JAZF1: variants seen among roughly 807,000 people sequenced by gnomAD.
The protein encoded by JAZF1 is JAZF zinc finger 1.
A neutral mutation model predicts 26.4 loss-of-function variants in JAZF1; 8 were observed. That is an observed-to-expected ratio of 0.30 (90% CI 0.18 to 0.55). The LOEUF is 0.55. Ranked by LOEUF, JAZF1 falls within the 20% of genes least tolerant of loss-of-function variation. JAZF1 has a pLI of 0.94. For synonymous variants in JAZF1, 126 were observed against 122.3 expected, an observed-to-expected ratio of 1.03 and a Z score of -0.20; for missense variants, 199 against 322.0, an observed-to-expected ratio of 0.62 and a Z score of 2.92.
chr7:28,105,525 C>G (rs1784538509), intron 1 of JAZF1, among the ~76,000 whole-genome samples: 1 of 152,202 alleles, frequency 6.6e-6, no homozygotes, highest in Non-Finnish European at 1.5e-5. Flanking sequence ...AGGAAGGCAG[C>G]TGCACTGAGT....
At chr7:27,838,891 G>C (rs542574773) in intron 4 of JAZF1, among the ~76,000 whole-genome samples, 35 of 152,294 alleles carry the variant, frequency 2.3e-4, no homozygotes, top group African/African-American at 7.9e-4. Flanking sequence ...TCACCTGCCA[G>C]TTAATGGGGC....
At chr7:28,161,257 TAAAAA>T (rs10630786) in intron 1 of JAZF1, among the ~76,000 whole-genome samples, 2 of 77,180 alleles carry the variant, frequency 2.6e-5, no homozygotes, top group Admixed American at 1.7e-4. Context: ...TCCTTTAATC[TAAAAA>T]AAAAAAAAAA....
chr7:28,011,301 T>C (rs1562558293), intron 1 of JAZF1, among the ~76,000 whole-genome samples: 1 of 152,216 alleles, frequency 6.6e-6, no homozygotes, highest in Non-Finnish European at 1.5e-5. Flanking sequence ...CATTTCAGAT[T>C]TAGTCCAATG....
In JAZF1 at chr7:27,840,871, C is replaced by T; in HGVS notation, c.386-4G>A. The T allele has an allele frequency of 6.2e-7, 1 of 1,613,746 alleles. No homozygotes were observed. The highest frequency in any genetic ancestry group is 8.5e-7 in the Non-Finnish European group (1 of 1,179,824). ...TCCTCCTCGTCATACTCGCTGCCTGCAGGACAAGAGAAGTGCAAGGACTGT... is the reference window on the plus strand; with the variant it reads ...TCCTCCTCGTCATACTCGCTGCCTGTAGGACAAGAGAAGTGCAAGGACTGT... On this transcript the variant is annotated splice_polypyrimidine_tract_variant and splice_region_variant and intron_variant, in intron 3 of 4. Coordinates refer to ENST00000283928, the MANE Select transcript of JAZF1 (RefSeq NM_175061.4). The surrounding 1 kb of genome is among the most constrained non-coding windows in gnomAD (Gnocchi z 5.1).
intron 1 of JAZF1, among the ~76,000 whole-genome samples, chr7:28,067,757 G>A (rs1783907782): frequency 6.6e-6 from 1 of 152,162 alleles, no homozygotes. Context: ...GGGGACTTCG[G>A]CAGGTGCTCA....
At chr7:27,999,674 A>G (rs1339599184) in intron 1 of JAZF1, among the ~76,000 whole-genome samples, 2 of 152,204 alleles carry the variant, frequency 1.3e-5, no homozygotes, top group African/African-American at 2.4e-5. Flanking sequence ...TTAAGGAACC[A>G]GATCTTAGAG....
chr7:28,159,903 G>T (rs937812423), intron 1 of JAZF1, among the ~76,000 whole-genome samples: 1 of 152,082 alleles, frequency 6.6e-6, no homozygotes, highest in Admixed American at 6.5e-5. Flanking sequence ...CCTTATAAGC[G>T]AAACCATAAT....
intron 4 of JAZF1, among the ~76,000 whole-genome samples, chr7:27,833,527 T>G (rs1782750038): frequency 6.6e-6 from 1 of 152,218 alleles, no homozygotes; most frequent in African/African-American, 2.4e-5. Flanking sequence ...ACTAAGCCAG[T>G]ATCTCTGATG....
At chr7:28,088,621 C>T (rs1583553528) in intron 1 of JAZF1, among the ~76,000 whole-genome samples, 1 of 152,232 alleles carries the variant, frequency 6.6e-6, no homozygotes, top group East Asian at 1.9e-4. Context: ...TCTCCTTTTC[C>T]TTCTACTTCC....
At chr7:28,067,583 G>C (rs977204385) in intron 1 of JAZF1, among the ~76,000 whole-genome samples, 2 of 152,166 alleles carry the variant, frequency 1.3e-5, no homozygotes. Flanking sequence ...GAGAACCAAT[G>C]ATGGAGCAAG....
At chr7:27,868,360 G>A (rs527958518) in intron 3 of JAZF1, among the ~76,000 whole-genome samples, 71 of 152,270 alleles carry the variant, frequency 4.7e-4, no homozygotes, top group Non-Finnish European at 8.4e-4. Context: ...GCCGTTCCCC[G>A]GTCCTCACCG....
chr7:27,892,242 G>A (rs916118933), intron 3 of JAZF1, among the ~76,000 whole-genome samples: 5 of 152,150 alleles, frequency 3.3e-5, no homozygotes, highest in Non-Finnish European at 7.4e-5. Context: ...ATGTTTACAT[G>A]GAATGTTCTT....
chr7:27,944,732 A>G (rs142589838), intron 2 of JAZF1, among the ~76,000 whole-genome samples: 31 of 152,278 alleles, frequency 2.0e-4, no homozygotes, highest in Middle Eastern at 3.4e-3. Flanking sequence ...ACTTGCCTGA[A>G]GCTGTTTCCA....
intron 2 of JAZF1, among the ~76,000 whole-genome samples, chr7:27,937,549 T>C (rs1021872396): frequency 9.2e-5 from 14 of 152,226 alleles, no homozygotes; most frequent in Admixed American, 2.0e-4. Flanking sequence ...TTTAAGAGCA[T>C]ATGTGCTAAT....
chr7:28,121,462 A>G (rs1782605274), intron 1 of JAZF1, among the ~76,000 whole-genome samples: 1 of 152,226 alleles, frequency 6.6e-6, no homozygotes, highest in Non-Finnish European at 1.5e-5. Context: ...GTAGCATGGT[A>G]TATCCTGCTA....
rs149643430 is a variant in JAZF1 at position 28,158,186 on chromosome 7, C to CACACACACACACACAG, written c.115+22276_115+22277insCTGTGTGTGTGTGTGT. ...ACACACAAACACACACACACACACACAGAGAGAGAGAGAGAGAGGGAGAGA... is the reference window on the plus strand; with the variant it reads ...ACACACAAACACACACACACACACACACACACACACACACAGAGAGAGAGAGAGAGAGAGGGAGAGA... On this transcript the variant is annotated intron_variant, in intron 1 of 4. Transcript: ENST00000283928. Among the ~76,000 whole-genome samples, 12 of 143,426 alleles carry CACACACACACACACAG rather than the reference C, an allele frequency of 8.4e-5. No homozygotes were observed. In the South Asian group the frequency reaches 1.4e-3, roughly 17 times the overall value. The allele number at this position is 143,426 out of a possible 152,430, so 94.1% of individuals were successfully genotyped here. A position where few individuals can be genotyped will look rare whatever the true frequency, so the allele number is the denominator to read the frequency against.
intron 1 of JAZF1, among the ~76,000 whole-genome samples, chr7:28,014,020 G>A (rs1782841315): frequency 6.6e-6 from 1 of 150,532 alleles, no homozygotes; most frequent in African/African-American, 2.4e-5. Context: ...CAAACCCATG[G>A]CTGCTAGTTA....
intron 2 of JAZF1, among the ~76,000 whole-genome samples, chr7:27,938,808 T>TA (rs1455213756): frequency 6.7e-6 from 1 of 149,374 alleles, no homozygotes; most frequent in East Asian, 1.9e-4. Flanking sequence ...AATAGCTATT[T>TA]TTTTTTTTTT....
chr7:28,178,048 GT>G (rs1783574104), intron 1 of JAZF1, among the ~76,000 whole-genome samples: 2 of 152,116 alleles, frequency 1.3e-5, no homozygotes, highest in African/African-American at 4.8e-5. Flanking sequence ...GGTTCAAACT[GT>G]TTTCAACTGT....
Sources: allele counts gnomAD v4.1 joint callset (sites outside exome capture counted in the v4.1 genomes callset), GRCh38; gene constraint gnomAD v4.1.1; non-coding constraint Gnocchi (gnomAD v3.1); transcripts MANE v1.5; gene names NCBI Gene and HGNC (gene_info 2026-07-23, HGNC 2026-07-21).